ADD3: variants seen among roughly 807,000 people sequenced by gnomAD.
The protein encoded by ADD3 is adducin 3.
ADD3 carries 25 observed loss-of-function variants against 80.2 expected under a neutral mutation model. That is an observed-to-expected ratio of 0.31 (90% CI 0.23 to 0.44). The LOEUF is 0.44. Ranked by LOEUF, ADD3 falls within the 20% of genes least tolerant of loss-of-function variation. The pLI is 1.00. For missense variants in ADD3, 829 were observed against 847.5 expected, an observed-to-expected ratio of 0.98 and a Z score of 0.27; for synonymous variants, 284 against 289.6, an observed-to-expected ratio of 0.98 and a Z score of 0.20.
Position 110,100,864 on chromosome 10 carries a change from A to G in ADD3, c.195+16A>G. ...GCAAAGTCCTGTGAGTTGAATTAGA[A>G]GGCTGTAATTTTTCTCCCTCTTTGG... On this transcript the variant is annotated intron_variant, in intron 2 of 14. Transcript: ENST00000356080. 6.4e-7 allele frequency: 1 copy of G among 1,554,394 alleles called. No individual in the cohort carries two copies. Among genetic ancestry groups the G allele is most frequent in the Non-Finnish European group, 8.7e-7 (1 of 1,152,962 alleles).
chr10:110,019,990 AC>A (rs1853482459), intron 1 of ADD3, among the ~76,000 whole-genome samples: 1 of 152,242 alleles, frequency 6.6e-6, no homozygotes, highest in East Asian at 1.9e-4. Flanking sequence ...TTTCCAAAAT[AC>A]GTGAAATGAG....
intron 1 of ADD3, among the ~76,000 whole-genome samples, chr10:110,077,776 TC>T (rs1845539732): frequency 1.1e-5 from 1 of 90,508 alleles, no homozygotes; most frequent in Non-Finnish European, 1.8e-5. Flanking sequence ...ATTTTTTTTT[TC>T]GCAACTGGGG....
At chr10:110,011,294 A>G (rs769781986) in intron 1 of ADD3, among the ~76,000 whole-genome samples, 2 of 152,204 alleles carry the variant, frequency 1.3e-5, no homozygotes, top group Non-Finnish European at 2.9e-5. Flanking sequence ...CCTAAATGCA[A>G]AGATGTAACT....
intron 9 of ADD3, 121 bp from the exon 10 acceptor site, chr10:110,123,896 C>CT: frequency 9.4e-7 from 1 of 1,069,110 alleles, no homozygotes; most frequent in Admixed American, 2.4e-5. Context: ...GGAAGGATGC[C>CT]TTTTTCTTTG....
At chr10:110,130,662 C>T (rs1395764382) in intron 13 of ADD3, among the ~76,000 whole-genome samples, 176 bp downstream of exon 13, 1 of 152,204 alleles carries the variant, frequency 6.6e-6, no homozygotes, top group South Asian at 2.1e-4. Flanking sequence ...TTGAGACCAG[C>T]CTGGCCAACA....
At chr10:110,117,935 G>A (rs963459315) in intron 5 of ADD3, among the ~76,000 whole-genome samples, 1 of 151,596 alleles carries the variant, frequency 6.6e-6, no homozygotes, top group South Asian at 2.1e-4. Context: ...AGAATCGCTT[G>A]AATCCATAAG....
upstream of ADD3, among the ~76,000 whole-genome samples, chr10:110,002,208 C>G (rs1851499323): frequency 6.6e-6 from 1 of 152,038 alleles, no homozygotes; most frequent in Non-Finnish European, 1.5e-5. Context: ...AGGAGAAACG[C>G]TTGAACCCAG....
intron 1 of ADD3, among the ~76,000 whole-genome samples, chr10:110,023,346 C>T (rs893861813): frequency 3.3e-5 from 5 of 152,134 alleles, no homozygotes; most frequent in Non-Finnish European, 7.3e-5. Context: ...CTGAGTCTGC[C>T]AGTGTCTTGA....
At chr10:110,105,766 G>A (rs936199561) in intron 2 of ADD3, among the ~76,000 whole-genome samples, 1 of 152,204 alleles carries the variant, frequency 6.6e-6, no homozygotes, top group Non-Finnish European at 1.5e-5. Flanking sequence ...ATCACTGGAA[G>A]TAAGGCCTGA....
chr10:110,102,670 A>G (rs1848957432), intron 2 of ADD3, among the ~76,000 whole-genome samples: 1 of 152,224 alleles, frequency 6.6e-6, no homozygotes, highest in South Asian at 2.1e-4. Context: ...AGTAACTGAA[A>G]GAATGAAGTG....
rs77678669 is a variant in ADD3, at chr10:110,122,391, G to A, written c.1143+99G>A. ...GAACATGCTCCATACTCTTCCAGAA[G>A]CTGAGTTTGGCCCTAGGAAAGCATT... On this transcript the variant is annotated intron_variant, in intron 9 of 14. Transcript: ENST00000356080. The A allele has an allele frequency of 3.1e-3, 3,322 of 1,062,254 alleles. 58 individuals are homozygous for A. In the African/African-American group the frequency reaches 0.037, roughly 12 times the overall value. The allele number at this position is 1,062,254 out of a possible 1,614,324, so 65.8% of individuals were successfully genotyped here. A position where few individuals can be genotyped will look rare whatever the true frequency, so the allele number is the denominator to read the frequency against.
chr10:110,127,175 G>A (rs750728046), intron 12 of ADD3, among the ~76,000 whole-genome samples: 7 of 151,746 alleles, frequency 4.6e-5, no homozygotes, highest in East Asian at 3.9e-4. Flanking sequence ...ATCAGCTTTC[G>A]TTATTTATAT....
intron 13 of ADD3, among the ~76,000 whole-genome samples, chr10:110,131,948 T>C (rs1354409703): frequency 6.6e-6 from 1 of 152,262 alleles, no homozygotes; most frequent in Non-Finnish European, 1.5e-5. Context: ...GCCTCATTAA[T>C]GTAGCATCAT....
chr10:110,125,737 C>T, intron 10 of ADD3, 89 bp from the exon 11 acceptor site: 1 of 924,990 alleles, frequency 1.1e-6, no homozygotes, highest in South Asian at 2.4e-5. Flanking sequence ...ATTGGCAATG[C>T]CCCTCTTGAG....
At chr10:110,097,777 CTTT>C (rs137999902) in intron 1 of ADD3, among the ~76,000 whole-genome samples, 4 of 137,138 alleles carry the variant, frequency 2.9e-5, no homozygotes, top group Non-Finnish European at 1.6e-5. Flanking sequence ...CTTTGTTTTT[CTTT>C]TTTTTTTTTT....
intron 1 of ADD3, among the ~76,000 whole-genome samples, chr10:110,032,153 C>T (rs1483923734): frequency 2.0e-5 from 3 of 152,020 alleles, no homozygotes; most frequent in Admixed American, 1.3e-4. Context: ...TTTTTATAGA[C>T]AAAGAGGGTT....
At chr10:110,125,616 A>G (rs1162093158) in intron 10 of ADD3, 4 of 334,946 alleles carry the variant, frequency 1.2e-5, no homozygotes, top group African/African-American at 8.5e-5. Context: ...TATTTATGTG[A>G]ATCGTAATGG....
intron 1 of ADD3, among the ~76,000 whole-genome samples, chr10:110,075,192 G>A (rs939630027): frequency 1.3e-5 from 2 of 152,164 alleles, no homozygotes; most frequent in Non-Finnish European, 2.9e-5. Flanking sequence ...CACCTTGTCT[G>A]TGCCAGTAAA....
At chr10:109,996,496 A>C (rs905333365) in intron 1 of ADD3, 34 of 152,350 alleles carry the variant, frequency 2.2e-4, no homozygotes, top group African/African-American at 7.2e-4. Flanking sequence ...TCTTTTCAAA[A>C]ATGGGGGAAG....
Sources: allele counts gnomAD v4.1 joint callset (sites outside exome capture counted in the v4.1 genomes callset), GRCh38; gene constraint gnomAD v4.1.1; transcripts MANE v1.5; gene names NCBI Gene and HGNC (gene_info 2026-07-23, HGNC 2026-07-21).